Variants in UBASH3A observed in about 807,000 individuals in gnomAD.
The protein encoded by UBASH3A is ubiquitin-associated and SH3 domain-containing protein A.
UBASH3A carries 63 observed loss-of-function variants against 73.5 expected under a neutral mutation model. The observed-to-expected ratio is 0.86, with a 90% CI of 0.70 to 1.06. UBASH3A has a LOEUF of 1.06. Ranked by LOEUF, UBASH3A falls within the 50% of genes least tolerant of loss-of-function variation. The probability of loss-of-function intolerance (pLI) is 0.00; values close to 1 mark genes in which losing one functional copy is unlikely to be tolerated. For synonymous variants in UBASH3A, 363 were observed against 351.1 expected (o/e 1.03, Z -0.38); for missense variants, 860 against 859.0 (o/e 1.00, Z -0.02).
rs79153251 is a variant in UBASH3A, at chr21:42,418,663, A to T, written c.1046+54A>T. 1.8e-3 allele frequency: 2,825 copies of T among 1,527,994 alleles called. 48 individuals are homozygous for T. The African/African-American group carries it at 0.034, about 18-fold the overall frequency. 94.7% of individuals were successfully genotyped at this position (1,527,994 alleles called of 1,614,324 possible). ...TCATCTCTCTCTGAGTTACTGTGTGAGAGTGCCCACCTGCCAACAGTGTGC... is the reference window on the plus strand; with the variant it reads ...TCATCTCTCTCTGAGTTACTGTGTGTGAGTGCCCACCTGCCAACAGTGTGC... On this transcript the variant is annotated intron_variant, in intron 7 of 14. Coordinates refer to ENST00000319294, the MANE Select transcript of UBASH3A (RefSeq NM_018961.4).
intron 5 of UBASH3A, among the ~76,000 whole-genome samples, chr21:42,414,826 C>A (rs1461126890): frequency 1.3e-5 from 2 of 152,226 alleles, no homozygotes; most frequent in Non-Finnish European, 2.9e-5. Context: ...CAATACATTT[C>A]TGTTGTTTGA....
In UBASH3A at chr21:42,447,092, T is replaced by C. The variant is rs376352061; in HGVS notation, c.1884T>C (p.Asn628=). Residue 628 remains asparagine, a synonymous_variant, in exon 15 of 15, where the codon AAT becomes AAC. Transcript: ENST00000319294. ...PSLGMCFCEE[N]KEEGKWELVN... ...TGGGCATGTGCTTCTGTGAAGAAAATAAAGAGGAAGGAAAATGGGAGTTGG... is the reference window on the plus strand; with the variant it reads ...TGGGCATGTGCTTCTGTGAAGAAAACAAAGAGGAAGGAAAATGGGAGTTGG... The C allele has an allele frequency of 1.2e-6, 2 of 1,613,576 alleles. No homozygotes were observed. The highest frequency in any genetic ancestry group is 2.7e-5 in the African/African-American group (2 of 74,764).
Position 42,445,433 on chromosome 21 carries a change from C to G in UBASH3A, c.1848+790C>G, listed in dbSNP as rs548298588. ...ACCTGGTTTCTTCACATAGCACTGC[C>G]ACAGGACCACACTGGCCACAGCTTG... On this transcript the variant is annotated intron_variant, in intron 14 of 14. Coordinates refer to ENST00000319294, the MANE Select transcript of UBASH3A (RefSeq NM_018961.4). 8.7e-4 allele frequency among the ~76,000 whole-genome samples: 133 copies of G among 152,344 alleles called. 2 individuals carry two copies. Among genetic ancestry groups the G allele is most frequent in the Non-Finnish European group, 4.4e-5 (3 of 68,030 alleles).
At chr21:42,425,470 G>C (rs1273327928) in intron 7 of UBASH3A, among the ~76,000 whole-genome samples, 1 of 152,208 alleles carries the variant, frequency 6.6e-6, no homozygotes, top group Admixed American at 6.5e-5. Flanking sequence ...GTGGGGCTAT[G>C]AATTGTGCCT....
At chr21:42,438,830 T>C (rs2053675859) in intron 11 of UBASH3A, among the ~76,000 whole-genome samples, 1 of 151,682 alleles carries the variant, frequency 6.6e-6, no homozygotes, top group Non-Finnish European at 1.5e-5. Flanking sequence ...GTGGAAGGAA[T>C]GGATGCTCAA....
In UBASH3A at chr21:42,418,382, C is replaced by A; in HGVS notation, c.838-19C>A. On this transcript the variant is annotated intron_variant, in intron 6 of 14. Coordinates refer to ENST00000319294, the MANE Select transcript of UBASH3A (RefSeq NM_018961.4). ...TAAATCTTTGCTCGAGACGTGAAAC[C>A]CCTTTGCCTCTTTTCTAGACCCTGA... 6.2e-7 allele frequency: 1 copy of A among 1,602,164 alleles called. No homozygotes were observed. The highest frequency in any genetic ancestry group is 8.5e-7 in the Non-Finnish European group (1 of 1,169,842).
At position 42,447,127 on chromosome 21, in the gene UBASH3A, C is replaced by T. The variant is rs187460832; in HGVS notation, c.1919C>T (p.Pro640Leu). The change falls in exon 15 of 15, where the codon CCG becomes CTG. Residue 640 changes from proline to leucine, a missense_variant. By Grantham distance (98) the Pro-to-Leu change is moderately conservative (BLOSUM62 -3). Coordinates refer to ENST00000319294, the MANE Select transcript of UBASH3A (RefSeq NM_018961.4). ...EEGKWELVNP[P>L]VKTLTHGANA... Reference sequence around the variant, plus strand: ...GGAAAATGGGAGTTGGTGAACCCACCGGTGAAGACCCTGACCCACGGGGCG... The same window carrying T: ...GGAAAATGGGAGTTGGTGAACCCACTGGTGAAGACCCTGACCCACGGGGCG... The T allele has an allele frequency of 1.8e-5, 29 of 1,614,002 alleles. No homozygotes were observed. The highest frequency in any genetic ancestry group is 1.6e-4 in the South Asian group (15 of 91,064).
At chr21:42,443,519 C>A in intron 13 of UBASH3A, 101 bp downstream of exon 13, 1 of 960,044 alleles carries the variant, frequency 1.0e-6, no homozygotes, top group Non-Finnish European at 1.5e-6. Flanking sequence ...AATGCCCCTA[C>A]TTCTCCTGCC....
At chr21:42,417,873 TTTTTC>T (rs1163042674) in intron 6 of UBASH3A, among the ~76,000 whole-genome samples, 1,377 of 135,360 alleles carry the variant, frequency 0.01, 21 homozygotes, top group African/African-American at 0.037. Flanking sequence ...TTTTTTTCTT[TTTTTC>T]TTTTTTTTTT....
chr21:42,409,995 C>T, intron 3 of UBASH3A: 1 of 684,338 alleles, frequency 1.5e-6, no homozygotes, highest in Non-Finnish European at 2.7e-6. Context: ...CTCATCTTTG[C>T]ACCCCCAGAA....
intron 8 of UBASH3A, among the ~76,000 whole-genome samples, chr21:42,427,147 C>T (rs1403951290): frequency 6.6e-6 from 1 of 152,214 alleles, no homozygotes; most frequent in Non-Finnish European, 1.5e-5. Context: ...TGCCCCGGTG[C>T]CTTGGCCCCT....
intron 6 of UBASH3A, among the ~76,000 whole-genome samples, chr21:42,417,282 G>A (rs1324020729): frequency 4.6e-5 from 7 of 151,822 alleles, no homozygotes; most frequent in Admixed American, 4.6e-4. Context: ...AAATTAGCCG[G>A]GCGTGATGGC....
At chr21:42,408,953 A>AAAATAAAAT (rs2053036131) in intron 2 of UBASH3A, among the ~76,000 whole-genome samples, 1 of 131,354 alleles carries the variant, frequency 7.6e-6, no homozygotes, top group Non-Finnish European at 1.7e-5. Context: ...TAAAATAAAA[A>AAAATAAAAT]CTGTCTGAAT....
intron 6 of UBASH3A, 64 bp from the exon 7 acceptor site, chr21:42,418,337 A>G: frequency 6.8e-7 from 1 of 1,472,366 alleles, no homozygotes; most frequent in Non-Finnish European, 9.5e-7. Context: ...TAGGCCTCCT[A>G]TTGCTGCCAT....
At position 42,403,954 on chromosome 21, in the gene UBASH3A, G is replaced by T; in HGVS notation, c.9G>T (p.Ala3=). MA[A]GETQLYAKVS... is the part of the protein sequence containing the mutation. The stretch of plus-strand genomic sequence containing the variant: ...CCTAAGGGCAGGAAGAGATGGCAGC[G>T]GGGGAGACGCAGCTCTACGCCAAGG... Residue 3 remains alanine, a synonymous_variant, in exon 1 of 15, where the codon GCG becomes GCT. Coordinates refer to ENST00000319294, the MANE Select transcript of UBASH3A (RefSeq NM_018961.4). The T allele has an allele frequency of 1.3e-6, 2 of 1,506,960 alleles. No individual in the cohort carries two copies. The highest frequency in any genetic ancestry group is 2.6e-5 in the East Asian group (1 of 38,116). The allele number at this position is 1,506,960 out of a possible 1,614,324, so 93.3% of individuals were successfully genotyped here.
intron 11 of UBASH3A, among the ~76,000 whole-genome samples, chr21:42,439,557 C>G (rs897758606): frequency 6.6e-6 from 1 of 152,104 alleles, no homozygotes; most frequent in Admixed American, 6.5e-5. Flanking sequence ...GCAGTGTAGC[C>G]GGAGGCCAGA....
intron 3 of UBASH3A, chr21:42,410,120 C>T: frequency 4.3e-6 from 3 of 702,422 alleles, no homozygotes; most frequent in Non-Finnish European, 7.8e-6. Context: ...TCTCAGGGAC[C>T]AGCCGTCTGA....
At chr21:42,406,720 T>C (rs1444101237) in intron 2 of UBASH3A, among the ~76,000 whole-genome samples, 1 of 150,552 alleles carries the variant, frequency 6.6e-6, no homozygotes, top group Non-Finnish European at 1.5e-5. Context: ...GGGTAATTGT[T>C]AGAATAAAGT....
chr21:42,420,118 A>G (rs2053307044), intron 7 of UBASH3A, among the ~76,000 whole-genome samples: 1 of 152,156 alleles, frequency 6.6e-6, no homozygotes, highest in South Asian at 2.1e-4. Context: ...TTCATACAAT[A>G]TATAATACAT....
Sources: gnomAD v4.1 joint callset for allele counts (sites outside exome capture counted in the v4.1 genomes callset) on GRCh38, gnomAD v4.1.1 for gene constraint, MANE v1.5 for transcripts, NCBI Gene and HGNC (gene_info 2026-07-23, HGNC 2026-07-21) for gene names.